The following FTCDNL1 variants were observed in gnomAD, a reference collection of about 807,000 sequenced individuals.
The protein encoded by FTCDNL1 is formiminotransferase cyclodeaminase N-terminal like, also known as formiminotransferase N-terminal subdomain-containing protein.
Under a neutral mutation model 5.9 loss-of-function variants are expected in FTCDNL1, and 11 were observed. The ratio of observed to expected loss-of-function variants is 1.87; its 90% CI spans 1.18 to 3.10. The LOEUF (loss-of-function observed/expected upper bound fraction) is 3.10, where lower values mean the gene tolerates loss of function less well. Ranked by LOEUF, FTCDNL1 falls within the 30% of genes most tolerant of loss-of-function variation. The pLI is 0.00. For synonymous variants in FTCDNL1, 58 were observed against 24.8 expected, an observed-to-expected ratio of 2.34 and a Z score of -3.99; for missense variants, 115 against 65.5, an observed-to-expected ratio of 1.76 and a Z score of -2.61.
At chr2:199,794,187 T>C (rs1284735191) in intron 3 of FTCDNL1, among the ~76,000 whole-genome samples, 1 of 152,192 alleles carries the variant, frequency 6.6e-6, no homozygotes, top group Non-Finnish European at 1.5e-5. Context: ...TGGTGGAAAA[T>C]TTAAGAGCCA....
At chr2:199,794,747 C>T (rs942969996) in intron 3 of FTCDNL1, among the ~76,000 whole-genome samples, 2 of 152,086 alleles carry the variant, frequency 1.3e-5, no homozygotes, top group African/African-American at 4.8e-5. Context: ...GGCATGGTGG[C>T]ACGCAACTAT....
chr2:199,805,195 A>G (rs1451573542), downstream of FTCDNL1, among the ~76,000 whole-genome samples: 1 of 152,154 alleles, frequency 6.6e-6, no homozygotes, highest in Non-Finnish European at 1.5e-5. Context: ...GCAATCCCTC[A>G]CCATCCTCCA....
At chr2:199,735,813 G>C in the FTCDNL1 span, among the ~76,000 whole-genome samples, 1 of 152,112 alleles carries the variant, frequency 6.6e-6, no homozygotes, top group Non-Finnish European at 1.5e-5. Flanking sequence ...ATGACACCAG[G>C]CAACAAGGCA....
At chr2:199,748,222 T>C in the FTCDNL1 span, among the ~76,000 whole-genome samples, 1 of 152,202 alleles carries the variant, frequency 6.6e-6, no homozygotes, top group African/African-American at 2.4e-5. Flanking sequence ...GTCCTGCACA[T>C]GATCATCCTT....
At chr2:199,705,272 G>C in the FTCDNL1 span, among the ~76,000 whole-genome samples, 4 of 152,170 alleles carry the variant, frequency 2.6e-5, no homozygotes, top group Non-Finnish European at 5.9e-5. Context: ...GGCTGAGATA[G>C]TACTGGAACC....
At chr2:199,671,590 C>T in the FTCDNL1 span, among the ~76,000 whole-genome samples, 1 of 152,082 alleles carries the variant, frequency 6.6e-6, no homozygotes. Flanking sequence ...CTAACAAATG[C>T]CAGGTTCTTT....
chr2:199,818,143 C>G (rs1018375865), intron 4 of FTCDNL1, among the ~76,000 whole-genome samples: 1 of 152,204 alleles, frequency 6.6e-6, no homozygotes, highest in Non-Finnish European at 1.5e-5. Context: ...ACTGCAATAC[C>G]AGTCCACCTG....
intron 3 of FTCDNL1, among the ~76,000 whole-genome samples, chr2:199,763,387 T>C (rs1207146403): frequency 5.3e-5 from 8 of 152,160 alleles, no homozygotes; most frequent in Non-Finnish European, 1.5e-5. Flanking sequence ...ACATCTGATA[T>C]AGTATTACAA....
chr2:199,815,892 C>T (rs1270102705), intron 4 of FTCDNL1, among the ~76,000 whole-genome samples: 3 of 151,764 alleles, frequency 2.0e-5, no homozygotes, highest in African/African-American at 4.8e-5. Context: ...CCCAGCCACT[C>T]GGGAGGCTGA....
the FTCDNL1 span, among the ~76,000 whole-genome samples, chr2:199,737,816 G>A: frequency 5.9e-5 from 9 of 152,290 alleles, no homozygotes; most frequent in Middle Eastern, 3.4e-3. Context: ...TGCGTGTCAC[G>A]TAGCTGGTCC....
chr2:199,814,248 T>C (rs1380015325), intron 4 of FTCDNL1, among the ~76,000 whole-genome samples: 2 of 152,204 alleles, frequency 1.3e-5, no homozygotes, highest in Non-Finnish European at 1.5e-5. Context: ...ACATAATTGC[T>C]AAGTCCAATG....
the FTCDNL1 span, among the ~76,000 whole-genome samples, chr2:199,693,289 C>T: frequency 6.6e-6 from 1 of 152,094 alleles, no homozygotes; most frequent in Non-Finnish European, 1.5e-5. Flanking sequence ...CTGTTATATG[C>T]ATATTAATAC....
chr2:199,738,621 A>G, the FTCDNL1 span, among the ~76,000 whole-genome samples: 1 of 152,192 alleles, frequency 6.6e-6, no homozygotes, highest in East Asian at 1.9e-4. Flanking sequence ...GTGATACACA[A>G]TTCAAGGTCA....
At chr2:199,834,379 A>G (rs1026250327) in intron 3 of FTCDNL1, among the ~76,000 whole-genome samples, 4 of 152,142 alleles carry the variant, frequency 2.6e-5, no homozygotes, top group Admixed American at 2.0e-4. Flanking sequence ...CTAGTAAACT[A>G]AAACACCAGC....
chr2:199,796,368 C>G (rs1700169308), intron 3 of FTCDNL1, among the ~76,000 whole-genome samples: 1 of 152,138 alleles, frequency 6.6e-6, no homozygotes, highest in Admixed American at 6.6e-5. Flanking sequence ...TGATAGCCAT[C>G]AAAATACACA....
intron 2 of FTCDNL1, among the ~76,000 whole-genome samples, chr2:199,848,048 T>C (rs1388392248): frequency 6.6e-6 from 1 of 152,220 alleles, no homozygotes; most frequent in Non-Finnish European, 1.5e-5. Context: ...CTGAAATGCT[T>C]TAGGGTTGGT....
chr2:199,817,425 G>A lies in FTCDNL1; in HGVS notation c.397+2147C>T, dbSNP rs77526497. Among the ~76,000 whole-genome samples, 214 of 152,146 alleles carry A rather than the reference G, an allele frequency of 1.4e-3. 8 individuals are homozygous for A. In the East Asian group the frequency reaches 0.037, roughly 26 times the overall value. On this transcript the variant is annotated intron_variant, in intron 4 of 4. Coordinates refer to ENST00000420128, the MANE Select transcript of FTCDNL1 (RefSeq NM_001363886.2). ...AATTTTGGCATCTTAATGTTTTAACGTGGGATTTGCAGATTTTTATGAATT... is the reference window on the plus strand; with the variant it reads ...AATTTTGGCATCTTAATGTTTTAACATGGGATTTGCAGATTTTTATGAATT...
intron 4 of FTCDNL1, among the ~76,000 whole-genome samples, chr2:199,813,623 T>C (rs1011914652): frequency 6.6e-6 from 1 of 152,146 alleles, no homozygotes; most frequent in African/African-American, 2.4e-5. Flanking sequence ...TTAAATACTT[T>C]GTTACCAGGC....
At chr2:199,828,966 G>A (rs998260287) in intron 3 of FTCDNL1, among the ~76,000 whole-genome samples, 2 of 152,240 alleles carry the variant, frequency 1.3e-5, no homozygotes, top group East Asian at 3.9e-4. Flanking sequence ...TTCCACAGTC[G>A]TGTTAACGTT....
Sources: allele counts gnomAD v4.1 joint callset (sites outside exome capture counted in the v4.1 genomes callset), GRCh38; gene constraint gnomAD v4.1.1; transcripts MANE v1.5; gene names NCBI Gene and HGNC (gene_info 2026-07-23, HGNC 2026-07-21).